Variants in DNAJC11 observed in about 807,000 individuals in gnomAD.
The protein encoded by DNAJC11 is DnaJ heat shock protein family (Hsp40) member C11.
A neutral mutation model predicts 78.6 loss-of-function variants in DNAJC11; 15 were observed. The ratio of observed to expected loss-of-function variants is 0.19; its 90% confidence interval spans 0.13 to 0.29. The LOEUF is 0.29. Among genes scored for constraint, DNAJC11 ranks in the 10% least tolerant of loss-of-function variants. The pLI, the probability that DNAJC11 is intolerant of heterozygous loss-of-function variation, is 1.00. For missense variants in DNAJC11, 547 were observed against 709.6 expected (o/e 0.77, Z 2.60); for synonymous variants, 292 against 272.1 (o/e 1.07, Z -0.72).
intron 4 of DNAJC11, among the ~76,000 whole-genome samples, chr1:6,660,904 C>T (rs1418511534): frequency 6.6e-6 from 1 of 152,182 alleles, no homozygotes; most frequent in Non-Finnish European, 1.5e-5. Context: ...AACTTCTTAC[C>T]AGGTAGGAAA....
chr1:6,687,947 C>G (rs1342410800), intron 1 of DNAJC11, among the ~76,000 whole-genome samples: 1 of 152,124 alleles, frequency 6.6e-6, no homozygotes, highest in Non-Finnish European at 1.5e-5. Flanking sequence ...AATGCAGCTC[C>G]ATTTAATTGA....
Position 6,645,015 on chromosome 1 carries a change from T to C in DNAJC11, c.980+26A>G. ...GACCCGCATGCAGTACCAGTGTGCTTCCATTTTAGCCAGGCCAGGACTTAC... is the reference window on the plus strand; with the variant it reads ...GACCCGCATGCAGTACCAGTGTGCTCCCATTTTAGCCAGGCCAGGACTTAC... On this transcript the variant is annotated intron_variant, in intron 9 of 15. Coordinates refer to ENST00000377577, the MANE Select transcript of DNAJC11 (RefSeq NM_018198.4). This position sits in a 1 kb window ranked among gnomAD's most constrained non-coding sequence, Gnocchi z 4.1. 1 of 1,607,850 alleles carries C rather than the reference T, an allele frequency of 6.2e-7. No individual in the cohort carries two copies. The highest frequency in any genetic ancestry group is 8.5e-7 in the Non-Finnish European group (1 of 1,174,468).
chr1:6,678,178 A>G lies in DNAJC11; in HGVS notation c.276+216T>C, dbSNP rs1025688273. Among the ~76,000 whole-genome samples, 7 of 152,222 alleles carry G rather than the reference A, an allele frequency of 4.6e-5. No homozygotes were observed. In the South Asian group the frequency reaches 6.2e-4, roughly 13 times the overall value. ...TACTTGACAGGTTAGGGAACGAAGG[A>G]CAAGTCAGATGAGTGGCTGGCCCAA... On this transcript the variant is annotated intron_variant, in intron 3 of 15. Coordinates refer to ENST00000377577, the MANE Select transcript of DNAJC11 (RefSeq NM_018198.4).
At chr1:6,646,767 A>G (rs780621924) in intron 7 of DNAJC11, among the ~76,000 whole-genome samples, 2 of 152,174 alleles carry the variant, frequency 1.3e-5, no homozygotes, top group Non-Finnish European at 2.9e-5. Flanking sequence ...GCTGAAGGGT[A>G]AACTAACAGC....
chr1:6,663,745 C>T (rs1270957840), intron 4 of DNAJC11, among the ~76,000 whole-genome samples: 3 of 152,118 alleles, frequency 2.0e-5, no homozygotes, highest in Non-Finnish European at 2.9e-5. Context: ...CCAAGGGTGG[C>T]TTTTTCCAGC....
intron 1 of DNAJC11, among the ~76,000 whole-genome samples, chr1:6,694,151 A>G (rs1350974953): frequency 1.3e-5 from 2 of 151,648 alleles, no homozygotes; most frequent in East Asian, 3.9e-4. Flanking sequence ...TTTTTCTAAG[A>G]GATAGTTTAA....
intron 4 of DNAJC11, among the ~76,000 whole-genome samples, chr1:6,666,284 T>C (rs955984283): frequency 6.6e-5 from 10 of 152,220 alleles, no homozygotes; most frequent in African/African-American, 2.4e-4. Flanking sequence ...TTAAATGCTG[T>C]ATGGGTCTTA....
chr1:6,640,134 G>A (rs1641853132), intron 10 of DNAJC11, 77 bp from the exon 11 acceptor site: 1 of 1,464,696 alleles, frequency 6.8e-7, no homozygotes, highest in South Asian at 1.4e-5. Context: ...TGGGGTGTCA[G>A]GCACAGGAAG....
chr1:6,690,328 C>T (rs1438422664), intron 1 of DNAJC11, among the ~76,000 whole-genome samples: 2 of 152,206 alleles, frequency 1.3e-5, no homozygotes, highest in Non-Finnish European at 2.9e-5. Context: ...AGTCGCATAT[C>T]CACTGCTATG....
chr1:6,689,288 G>T (rs763175016), intron 1 of DNAJC11, among the ~76,000 whole-genome samples: 9 of 152,240 alleles, frequency 5.9e-5, no homozygotes, highest in Admixed American at 3.3e-4. Flanking sequence ...GAAAGGAAAT[G>T]AAGGATCAGA....
chr1:6,659,357 C>G (rs1642173694), intron 4 of DNAJC11, among the ~76,000 whole-genome samples: 1 of 152,204 alleles, frequency 6.6e-6, no homozygotes, highest in Non-Finnish European at 1.5e-5. Flanking sequence ...TGCGTTGGCT[C>G]TGCCCTCTAT....
chr1:6,677,024 T>G (rs1374215157), intron 3 of DNAJC11, among the ~76,000 whole-genome samples: 2 of 151,862 alleles, frequency 1.3e-5, no homozygotes, highest in Non-Finnish European at 2.9e-5. Flanking sequence ...AAATACAAAA[T>G]TAGCTGGGTG....
intron 4 of DNAJC11, among the ~76,000 whole-genome samples, chr1:6,665,286 C>G (rs1188266779): frequency 6.6e-6 from 1 of 152,126 alleles, no homozygotes; most frequent in Admixed American, 6.5e-5. Flanking sequence ...ACAGGCTGGT[C>G]TCAAACTCCT....
chr1:6,635,599 G>GT lies in DNAJC11; in HGVS notation c.*75dup. 6.7e-7 allele frequency: 1 copy of GT among 1,492,624 alleles called. No individual in the cohort carries two copies. The highest frequency in any genetic ancestry group is 1.8e-5 in the Admixed American group (1 of 55,046). 92.5% of individuals were successfully genotyped at this position (1,492,624 alleles called of 1,614,324 possible). A position where few individuals can be genotyped will look rare whatever the true frequency, so the allele number is the denominator to read the frequency against. On this transcript the variant is annotated 3_prime_UTR_variant, in exon 16 of 16. Transcript: ENST00000377577. ...TAAAATAAAAACATCTGATGTCTGG[G>GT]TTTTTTCATTTCCAAATTTGTAGAC...
At chr1:6,688,480 A>G (rs1429783040) in intron 1 of DNAJC11, among the ~76,000 whole-genome samples, 1 of 152,244 alleles carries the variant, frequency 6.6e-6, no homozygotes, top group Non-Finnish European at 1.5e-5. Flanking sequence ...TAGGGGCACA[A>G]AAGAAATATA....
rs185650443 is a variant in DNAJC11 at position 6,675,614 on chromosome 1, G to A, written c.276+2780C>T. Among the ~76,000 whole-genome samples the A allele has an allele frequency of 1.3e-3, 193 of 152,100 alleles. 1 individual carries two copies. The highest frequency in any genetic ancestry group is 8.4e-4 in the Non-Finnish European group (57 of 67,994). On this transcript the variant is annotated intron_variant, in intron 3 of 15. Transcript: ENST00000377577. ...CATTTTTTATCGCTTGTAGAGATGC[G>A]ATCTCACTGTGTTGCTCCAGCTGGT...
At chr1:6,701,689 C>A in intron 1 of DNAJC11, 40 bp downstream of exon 1, 1 of 1,501,554 alleles carries the variant, frequency 6.7e-7, no homozygotes, top group African/African-American at 1.5e-5. Flanking sequence ...AACGACCGGG[C>A]TCGGCCTCAG....
rs114403770 is a variant in DNAJC11 at position 6,700,338 on chromosome 1, A to C, written c.72+1391T>G. Among the ~76,000 whole-genome samples the C allele has an allele frequency of 2.6e-3, 398 of 152,192 alleles. 3 individuals carry two copies. Among genetic ancestry groups the C allele is most frequent in the African/African-American group, 9.1e-3 (380 of 41,544 alleles). ...CTCTTTTCGGACTCAGCCCATACGC[A>C]CCCAGGTGATTAAAAAGGTTTATTG... On this transcript the variant is annotated intron_variant, in intron 1 of 15. Coordinates refer to ENST00000377577, the MANE Select transcript of DNAJC11 (RefSeq NM_018198.4).
At chr1:6,700,483 T>C (rs112376032) in intron 1 of DNAJC11, among the ~76,000 whole-genome samples, 160 of 152,336 alleles carry the variant, frequency 1.1e-3, no homozygotes, top group African/African-American at 3.6e-3. Context: ...CAGACTAGCA[T>C]GGAGCTCACA....
Sources: gnomAD v4.1 joint callset for allele counts (sites outside exome capture counted in the v4.1 genomes callset) on GRCh38, gnomAD v4.1.1 for gene constraint, Gnocchi (gnomAD v3.1) non-coding constraint, MANE v1.5 for transcripts, NCBI Gene and HGNC (gene_info 2026-07-23, HGNC 2026-07-21) for gene names.